DIAPH3: variants seen among roughly 807,000 people sequenced by gnomAD.
DIAPH3 encodes the protein protein diaphanous homolog 3.
Under a neutral mutation model 144.3 loss-of-function variants are expected in DIAPH3, and 117 were observed. The ratio of observed to expected loss-of-function variants is 0.81; its 90% CI spans 0.70 to 0.95. DIAPH3 has a LOEUF of 0.95. Ranked by LOEUF, DIAPH3 falls within the 40% of genes least tolerant of loss-of-function variation. The probability of loss-of-function intolerance (pLI) is 0.00; values close to 1 mark genes in which losing one functional copy is unlikely to be tolerated. For synonymous variants in DIAPH3, 519 were observed against 488.9 expected (o/e 1.06, Z -0.81); for missense variants, 1,421 against 1,412.7 (o/e 1.01, Z -0.09).
At chr13:59,805,894 T>C (rs1173895913) in intron 25 of DIAPH3, among the ~76,000 whole-genome samples, 2 of 151,942 alleles carry the variant, frequency 1.3e-5, no homozygotes, top group Non-Finnish European at 2.9e-5. Flanking sequence ...TAAATAATAG[T>C]AGATTTGGAA....
At chr13:59,733,093 T>C (rs1334862071) in intron 27 of DIAPH3, among the ~76,000 whole-genome samples, 1 of 152,164 alleles carries the variant, frequency 6.6e-6, no homozygotes, top group Non-Finnish European at 1.5e-5. Context: ...AGACAATCTT[T>C]AGGTTCCTTC....
At chr13:59,999,737 C>T (rs963418694) in intron 9 of DIAPH3, among the ~76,000 whole-genome samples, 1 of 151,726 alleles carries the variant, frequency 6.6e-6, no homozygotes, top group Non-Finnish European at 1.5e-5. Flanking sequence ...ACCCCATCTC[C>T]ACTCCTTCCC....
At chr13:59,959,436 G>A (rs2049612226) in intron 17 of DIAPH3, among the ~76,000 whole-genome samples, 1 of 152,178 alleles carries the variant, frequency 6.6e-6, no homozygotes. Flanking sequence ...CTTTGCACAT[G>A]TGATCAAGGT....
At chr13:60,147,926 G>A (rs573137619) in intron 1 of DIAPH3, among the ~76,000 whole-genome samples, 4 of 119,140 alleles carry the variant, frequency 3.4e-5, no homozygotes, top group African/African-American at 1.3e-4. Context: ...CGAGAGCCAA[G>A]GAAATCAGTT....
chr13:59,987,749 A>T (rs1265676532), intron 12 of DIAPH3, among the ~76,000 whole-genome samples: 1 of 151,456 alleles, frequency 6.6e-6, no homozygotes, highest in Non-Finnish European at 1.5e-5. Flanking sequence ...ATGAAAAATG[A>T]TGTCACTCAT....
chr13:60,147,296 G>A (rs1038995720), intron 1 of DIAPH3: 2 of 152,184 alleles, frequency 1.3e-5, no homozygotes, highest in African/African-American at 4.8e-5. Context: ...TTGGAAGACT[G>A]AGCAGCCAAG....
intron 13 of DIAPH3, among the ~76,000 whole-genome samples, chr13:59,983,260 A>G (rs2051148183): frequency 6.7e-6 from 1 of 150,064 alleles, no homozygotes; most frequent in Admixed American, 6.7e-5. Context: ...TTGCAACTCA[A>G]TTACACAAAT....
chr13:59,825,206 GTCCCCA>G (rs1479395645), intron 24 of DIAPH3, among the ~76,000 whole-genome samples: 2 of 151,556 alleles, frequency 1.3e-5, no homozygotes, highest in African/African-American at 4.9e-5. Context: ...CCCCACAACA[GTCCCCA>G]GAGTGTGATG....
rs1952181411 is a variant in DIAPH3 at position 60,159,407 on chromosome 13, CTT to C, written c.180+4178_180+4179del. Among the ~76,000 whole-genome samples the C allele has an allele frequency of 1.2e-4, 18 of 151,796 alleles. No homozygotes were observed. In the South Asian group the frequency reaches 3.7e-3, roughly 32 times the overall value. ...TTGGGAGGCCGAAGCGGGTGGATCA[CTT>C]GAGGTCAGGAGTTCAAGACCTGCCT... On this transcript the variant is annotated intron_variant, in intron 1 of 27. Transcript: ENST00000400324.
At chr13:59,731,886 T>C (rs1360870071) in intron 27 of DIAPH3, among the ~76,000 whole-genome samples, 5 of 152,192 alleles carry the variant, frequency 3.3e-5, no homozygotes, top group Non-Finnish European at 7.3e-5. Context: ...TTTTAACATC[T>C]AGATGTCTTT....
At chr13:59,681,013 A>G (rs748079166) in intron 27 of DIAPH3, among the ~76,000 whole-genome samples, 4 of 152,146 alleles carry the variant, frequency 2.6e-5, no homozygotes, top group Non-Finnish European at 5.9e-5. Context: ...GAATCATTTT[A>G]TTTATCTAAT....
intron 27 of DIAPH3, among the ~76,000 whole-genome samples, chr13:59,750,653 T>G (rs1320315736): frequency 6.6e-6 from 1 of 152,216 alleles, no homozygotes; most frequent in Non-Finnish European, 1.5e-5. Flanking sequence ...AAACTGAATC[T>G]AATACCTGTG....
chr13:60,090,559 G>C (rs1041892747), intron 4 of DIAPH3, among the ~76,000 whole-genome samples: 21 of 152,086 alleles, frequency 1.4e-4, no homozygotes, highest in Non-Finnish European at 2.9e-5. Context: ...CATAACAAAA[G>C]TATATCTTTT....
intron 27 of DIAPH3, among the ~76,000 whole-genome samples, chr13:59,722,165 C>T (rs182823608): frequency 3.9e-5 from 6 of 152,240 alleles, no homozygotes; most frequent in East Asian, 3.9e-4. Flanking sequence ...CTTCAAGAAT[C>T]GGTATACGTC....
chr13:59,879,597 G>A, intron 20 of DIAPH3, 129 bp from the exon 21 acceptor site: 2 of 1,310,294 alleles, frequency 1.5e-6, no homozygotes, highest in Non-Finnish European at 2.1e-6. Context: ...TCCTAAAACT[G>A]ATAGCAGGAA....
At chr13:59,873,319 C>T (rs1423962391) in intron 21 of DIAPH3, among the ~76,000 whole-genome samples, 3 of 152,150 alleles carry the variant, frequency 2.0e-5, no homozygotes, top group Non-Finnish European at 4.4e-5. Context: ...TGGATTTGTT[C>T]GGCAGAGATC....
intron 27 of DIAPH3, among the ~76,000 whole-genome samples, chr13:59,706,992 G>A (rs1450789370): frequency 6.6e-6 from 1 of 152,108 alleles, no homozygotes; most frequent in African/African-American, 2.4e-5. Flanking sequence ...GCATATAAAT[G>A]CAAGGAATTA....
At chr13:59,677,575 C>G (rs531657177) in intron 27 of DIAPH3, among the ~76,000 whole-genome samples, 1 of 152,222 alleles carries the variant, frequency 6.6e-6, no homozygotes, top group South Asian at 2.1e-4. Flanking sequence ...TTCATACTTA[C>G]AGCAGATCTC....
chr13:60,145,884 A>G (rs1034870552), intron 1 of DIAPH3, among the ~76,000 whole-genome samples: 1 of 152,150 alleles, frequency 6.6e-6, no homozygotes. Context: ...AGACTGAAAC[A>G]TAAGCCAAAA....
Sources: allele counts gnomAD v4.1 joint callset (sites outside exome capture counted in the v4.1 genomes callset), GRCh38; gene constraint gnomAD v4.1.1; transcripts MANE v1.5; gene names NCBI Gene and HGNC (gene_info 2026-07-23, HGNC 2026-07-21).